Variants in GABRG2 observed in about 807,000 individuals in gnomAD.
GABRG2 encodes the protein gamma-aminobutyric acid type A receptor subunit gamma2, also known as gamma-aminobutyric acid receptor subunit gamma-2.
In GABRG2, 16 loss-of-function variants were observed where a neutral mutation model predicts 56.4. The observed-to-expected ratio is 0.28, with a 90% CI of 0.19 to 0.43. The LOEUF is 0.43. Ranked by LOEUF, GABRG2 falls within the 20% of genes least tolerant of loss-of-function variation. The pLI is 1.00. For synonymous variants in GABRG2, 208 were observed against 205.5 expected (o/e 1.01, Z -0.10); for missense variants, 327 against 582.7 (o/e 0.56, Z 4.52).
At chr5:162,112,841 A>C (rs576303265) in intron 6 of GABRG2, among the ~76,000 whole-genome samples, 1 of 152,332 alleles carries the variant, frequency 6.6e-6, no homozygotes, top group Non-Finnish European at 1.5e-5. Flanking sequence ...TTAGTAGTAC[A>C]TCCAGCAAAA....
intron 9 of GABRG2, 51 bp downstream of exon 9, chr5:162,151,804 C>G: frequency 6.9e-7 from 1 of 1,458,998 alleles, no homozygotes; most frequent in South Asian, 1.2e-5. Context: ...CTAAATTTAA[C>G]TATTAATGCT....
chr5:162,107,675 T>G (rs368533503), intron 6 of GABRG2, among the ~76,000 whole-genome samples: 1 of 152,196 alleles, frequency 6.6e-6, no homozygotes, highest in Non-Finnish European at 1.5e-5. Flanking sequence ...CTAGAACAGA[T>G]TCTGGATCCA....
At chr5:162,100,174 G>A (rs920284592) in intron 4 of GABRG2, 4 of 151,958 alleles carry the variant, frequency 2.6e-5, no homozygotes, top group African/African-American at 9.7e-5. Flanking sequence ...AAATGAGGAA[G>A]CAATTCACTC....
intron 6 of GABRG2, among the ~76,000 whole-genome samples, chr5:162,136,569 T>TG (rs369368103): frequency 6.6e-6 from 1 of 151,850 alleles, no homozygotes; most frequent in Non-Finnish European, 1.5e-5. Flanking sequence ...GGAGAGATGA[T>TG]GGCAGGAAGA....
intron 1 of GABRG2, among the ~76,000 whole-genome samples, chr5:162,091,594 G>T (rs138076383): frequency 6.6e-6 from 1 of 151,916 alleles, no homozygotes; most frequent in East Asian, 1.9e-4. Flanking sequence ...GTACTCTTAA[G>T]TACTCTATTT....
At position 162,097,652 on chromosome 5, in the gene GABRG2, T is replaced by G. The variant is rs1761098302; in HGVS notation, c.342T>G (p.Asp114Glu). The part of the protein sequence containing the change: ...VNAINMEYTI[D>E]IFFAQTWYDR... Reference sequence around the variant, plus strand: ...TATTAAAACAGGAATACACTATTGATATATTTTTTGCGCAAACGTGGTATG... The same window carrying G: ...TATTAAAACAGGAATACACTATTGAGATATTTTTTGCGCAAACGTGGTATG... Residue 114 changes from aspartate to glutamate, a missense_variant, in exon 4 of 10, where the codon GAT (aspartate) becomes GAG (glutamate). By Grantham distance (45) the Asp-to-Glu change is conservative. Around this residue, in one of 4 missense-constraint regions of GABRG2, gnomAD observed 104 missense variants for 209.3 expected, o/e 0.50. Transcript: ENST00000639213. 6.2e-7 allele frequency: 1 copy of G among 1,611,642 alleles called. No homozygotes were observed. The highest frequency in any genetic ancestry group is 1.7e-5 in the Admixed American group (1 of 59,958).
rs2113644476 is a variant in GABRG2 at position 162,151,723 on chromosome 5, C to T, written c.1129-7C>T. On this transcript the variant is annotated splice_region_variant and splice_polypyrimidine_tract_variant and intron_variant, in intron 8 of 9. Coordinates refer to ENST00000639213, the MANE Select transcript of GABRG2 (RefSeq NM_198904.4). ...TGCAATTCTCTTTTCTGTCTACAAACCCAAAGCTTCTTCGGATGTTTTCCT... is the reference window on the plus strand; with the variant it reads ...TGCAATTCTCTTTTCTGTCTACAAATCCAAAGCTTCTTCGGATGTTTTCCT... 6.2e-7 allele frequency: 1 copy of T among 1,609,502 alleles called. No homozygotes were observed. The highest frequency in any genetic ancestry group is 8.5e-7 in the Non-Finnish European group (1 of 1,177,458).
intron 6 of GABRG2, among the ~76,000 whole-genome samples, chr5:162,130,570 C>T (rs1025529639): frequency 5.9e-5 from 9 of 151,868 alleles, no homozygotes; most frequent in Non-Finnish European, 1.2e-4. Flanking sequence ...AAAAATAAAG[C>T]GCTTCTACTA....
chr5:162,123,036 A>T (rs568186893), intron 6 of GABRG2, among the ~76,000 whole-genome samples: 1 of 151,926 alleles, frequency 6.6e-6, no homozygotes, highest in Admixed American at 6.6e-5. Context: ...CAGTCAAGAA[A>T]GTACCAATAT....
intron 7 of GABRG2, among the ~76,000 whole-genome samples, chr5:162,147,681 T>C (rs1048414616): frequency 2.0e-5 from 3 of 152,144 alleles, no homozygotes; most frequent in Non-Finnish European, 4.4e-5. Flanking sequence ...TTTCGAAGTT[T>C]CCCTAGCACT....
intron 6 of GABRG2, among the ~76,000 whole-genome samples, chr5:162,114,205 G>T (rs1424298538): frequency 6.6e-6 from 1 of 152,084 alleles, no homozygotes; most frequent in African/African-American, 2.4e-5. Context: ...GTCTCAACAT[G>T]TGGGTAATAC....
intron 6 of GABRG2, among the ~76,000 whole-genome samples, chr5:162,113,090 C>T (rs1350762888): frequency 6.6e-6 from 1 of 152,008 alleles, no homozygotes; most frequent in African/African-American, 2.4e-5. Context: ...CACACGCACG[C>T]CACTATGCCT....
At chr5:162,122,877 G>A (rs181233108) in intron 6 of GABRG2, among the ~76,000 whole-genome samples, 32 of 150,740 alleles carry the variant, frequency 2.1e-4, no homozygotes, top group African/African-American at 7.0e-4. Context: ...AAAGAAGGAA[G>A]GAAAGGAAAG....
At chr5:162,078,923 C>G (rs1759420374) in intron 1 of GABRG2, among the ~76,000 whole-genome samples, 1 of 151,100 alleles carries the variant, frequency 6.6e-6, no homozygotes. Flanking sequence ...AGTCTACAAC[C>G]TTTCAGTCAC....
intron 6 of GABRG2, among the ~76,000 whole-genome samples, chr5:162,124,196 A>C (rs2113499731): frequency 6.6e-6 from 1 of 152,058 alleles, no homozygotes; most frequent in East Asian, 1.9e-4. Flanking sequence ...GGAATGACCA[A>C]GTGTTTTCAA....
intron 1 of GABRG2, among the ~76,000 whole-genome samples, chr5:162,077,060 A>G (rs1161070504): frequency 7.1e-6 from 1 of 141,726 alleles, no homozygotes; most frequent in Non-Finnish European, 1.5e-5. Context: ...ATGCAGTATT[A>G]TAACAACTAC....
chr5:162,071,500 A>T (rs1243795557), intron 1 of GABRG2, among the ~76,000 whole-genome samples: 3 of 151,936 alleles, frequency 2.0e-5, no homozygotes, highest in Non-Finnish European at 2.9e-5. Context: ...TGAATTTTTA[A>T]AAAGAAAATA....
At chr5:162,089,397 G>A (rs72821329) in intron 1 of GABRG2, among the ~76,000 whole-genome samples, 20,100 of 152,090 alleles carry the variant, frequency 0.13, 1,388 homozygotes, top group Middle Eastern at 0.17. Context: ...TTTATGAGAT[G>A]TAAGTAGTGT....
At chr5:162,144,126 C>T (rs1181660764) in intron 7 of GABRG2, among the ~76,000 whole-genome samples, 1 of 152,184 alleles carries the variant, frequency 6.6e-6, no homozygotes, top group African/African-American at 2.4e-5. Context: ...TGAACAGATA[C>T]ATACTGTATT....
Sources: allele counts gnomAD v4.1 joint callset (sites outside exome capture counted in the v4.1 genomes callset), GRCh38; gene constraint gnomAD v4.1.1; regional missense constraint gnomAD v4.1.1; transcripts MANE v1.5; gene names NCBI Gene and HGNC (gene_info 2026-07-23, HGNC 2026-07-21).